NAPEPLD: variants seen among roughly 807,000 people sequenced by gnomAD.
NAPEPLD encodes the protein N-acyl-phosphatidylethanolamine-hydrolyzing phospholipase D.
NAPEPLD carries 23 observed loss-of-function variants against 38.1 expected under a neutral mutation model. The observed-to-expected ratio is 0.60, with a 90% CI of 0.43 to 0.86. The LOEUF (loss-of-function observed/expected upper bound fraction) is 0.86, where lower values mean the gene tolerates loss of function less well. NAPEPLD is among the 40% of genes least tolerant of loss of function. NAPEPLD has a pLI of 0.00. For missense variants in NAPEPLD, 411 were observed against 476.8 expected, an observed-to-expected ratio of 0.86 and a Z score of 1.28; for synonymous variants, 147 against 162.0, an observed-to-expected ratio of 0.91 and a Z score of 0.71.
chr7:103,135,528 C>CA (rs1809845922), intron 1 of NAPEPLD, among the ~76,000 whole-genome samples: 1 of 151,912 alleles, frequency 6.6e-6, no homozygotes, highest in Admixed American at 6.6e-5. Flanking sequence ...ATTCATCAAC[C>CA]AAAAAAGTAT....
At chr7:103,117,858 A>G (rs189881076) in intron 3 of NAPEPLD, among the ~76,000 whole-genome samples, 2 of 152,344 alleles carry the variant, frequency 1.3e-5, no homozygotes, top group East Asian at 1.9e-4. Flanking sequence ...ACTTATTTTC[A>G]TAACAAATAA....
At chr7:103,112,038 A>T (rs1804631005) in intron 4 of NAPEPLD, among the ~76,000 whole-genome samples, 1 of 152,234 alleles carries the variant, frequency 6.6e-6, no homozygotes, top group Non-Finnish European at 1.5e-5. Flanking sequence ...GAGAAATGCA[A>T]ATCAAAACCA....
rs1802342220 is a variant in NAPEPLD, at chr7:103,101,180, A to G, written c.*2249T>C. The G allele has an allele frequency of 6.6e-6, 1 of 152,204 alleles. No individual in the cohort carries two copies. Among genetic ancestry groups the G allele is most frequent in the Non-Finnish European group, 1.5e-5 (1 of 68,046 alleles). The allele number at this position is 152,204 out of a possible 1,614,324, so 9.4% of individuals were successfully genotyped here. On this transcript the variant is annotated 3_prime_UTR_variant, in exon 5 of 5. Transcript: ENST00000465647. ...GCTAGTATTAGGGCAACACACCTCA[A>G]AGCTAACTCACCATAAACCTAACAT...
intron 4 of NAPEPLD, among the ~76,000 whole-genome samples, chr7:103,107,291 G>A (rs1220449961): frequency 6.6e-6 from 1 of 152,076 alleles, no homozygotes; most frequent in Non-Finnish European, 1.5e-5. Flanking sequence ...CAAAGATGGG[G>A]AGAAACCAGC....
chr7:103,107,804 A>C lies in NAPEPLD; in HGVS notation c.1057-4250T>G, dbSNP rs180718156. Among the ~76,000 whole-genome samples the C allele has an allele frequency of 1.7e-3, 252 of 152,204 alleles. 3 individuals carry two copies. Among genetic ancestry groups the C allele is most frequent in the Admixed American group, 7.0e-3 (107 of 15,292 alleles). On this transcript the variant is annotated intron_variant, in intron 4 of 4. Transcript: ENST00000465647. ...TACCTGAAAGTGATGGGGAGAATGA[A>C]ACCAAGTTGGAAAACACTCTTCAGA...
intron 1 of NAPEPLD, among the ~76,000 whole-genome samples, chr7:103,146,967 G>A (rs1420444955): frequency 6.6e-6 from 1 of 152,024 alleles, no homozygotes; most frequent in East Asian, 1.9e-4. Context: ...ATTTGAAAGA[G>A]CTTTGTAAAT....
intron 3 of NAPEPLD, 156 bp from the exon 4 acceptor site, chr7:103,115,330 G>A (rs1342138854): frequency 1.8e-6 from 1 of 543,056 alleles, no homozygotes; most frequent in Non-Finnish European, 3.2e-6. Flanking sequence ...TGGGGAGGAT[G>A]AGCTAGAAAC....
chr7:103,139,968 T>G (rs553681114), intron 1 of NAPEPLD, among the ~76,000 whole-genome samples: 1 of 152,212 alleles, frequency 6.6e-6, no homozygotes, highest in Non-Finnish European at 1.5e-5. Flanking sequence ...GCAGAAAGTT[T>G]GTAGCAAATT....
rs975725799 is a variant in NAPEPLD, at chr7:103,100,490, CT to C, written c.*2938del. 7 of 152,166 alleles carry C rather than the reference CT, an allele frequency of 4.6e-5. No individual in the cohort carries two copies. Among genetic ancestry groups the C allele is most frequent in the African/African-American group, 1.7e-4 (7 of 41,438 alleles). The allele number at this position is 152,166 out of a possible 1,614,324, so 9.4% of individuals were successfully genotyped here. A position where few individuals can be genotyped will look rare whatever the true frequency, so the allele number is the denominator to read the frequency against. On this transcript the variant is annotated 3_prime_UTR_variant, in exon 5 of 5. Coordinates refer to ENST00000465647, the MANE Select transcript of NAPEPLD (RefSeq NM_001122838.3). ...CCAGAAAGAAGATGCACAAATACAT[CT>C]TTTCCTACGTAGGTCACGGCATATG...
intron 1 of NAPEPLD, among the ~76,000 whole-genome samples, chr7:103,145,972 AAC>A (rs144906536): frequency 2.9e-4 from 44 of 151,198 alleles, no homozygotes; most frequent in Admixed American, 2.4e-3. Context: ...CATTCTGGAA[AAC>A]ACACACACAC....
At chr7:103,149,297 G>C (rs760323552), upstream of NAPEPLD, 2,492 of 1,078,476 alleles carry the variant, frequency 2.3e-3, 4 homozygotes, top group Non-Finnish European at 2.6e-3. Flanking sequence ...TGGGGTGGCC[G>C]GGAGCGCGCG....
In NAPEPLD at chr7:103,103,771, C is replaced by G. The variant is rs576508522; in HGVS notation, c.1057-217G>C. On this transcript the variant is annotated intron_variant, in intron 4 of 4. Transcript: ENST00000465647. The stretch of plus-strand genomic sequence containing the variant: ...GTATTTGGTTGGATAGAAATCATGC[C>G]AACACCATGTATGTGAAATTTGGTG... Among the ~76,000 whole-genome samples, 146 of 152,222 alleles carry G rather than the reference C, an allele frequency of 9.6e-4. 2 individuals carry two copies. The highest frequency in any genetic ancestry group is 3.3e-3 in the African/African-American group (138 of 41,522).
chr7:103,119,749 T>G lies in NAPEPLD; in HGVS notation c.769A>C (p.Arg257=). 1 of 1,614,148 alleles carries G rather than the reference T, an allele frequency of 6.2e-7. No homozygotes were observed. The highest frequency in any genetic ancestry group is 1.3e-5 in the African/African-American group (1 of 75,044). ...ACCTTGTTGTCATCCATTAGAGTCC[T>G]TTTACACCAGTGCTGGGAAGGTGTA... ...VFTPSQHWCK[R]TLMDDNKVLW... The change falls in exon 3 of 5, where the codon AGG becomes CGG. Residue 257 remains arginine (R), a synonymous_variant. Coordinates refer to ENST00000465647, the MANE Select transcript of NAPEPLD (RefSeq NM_001122838.3).
chr7:103,145,005 T>C (rs1010561896), intron 1 of NAPEPLD, among the ~76,000 whole-genome samples: 6 of 150,780 alleles, frequency 4.0e-5, no homozygotes, highest in African/African-American at 1.5e-4. Flanking sequence ...AGCAAGACTC[T>C]TGTCTCAAAA....
At chr7:103,111,486 C>T (rs1191315942) in intron 4 of NAPEPLD, among the ~76,000 whole-genome samples, 1 of 152,120 alleles carries the variant, frequency 6.6e-6, no homozygotes, top group African/African-American at 2.4e-5. Context: ...CTTTGACAAA[C>T]CTGACAAATA....
chr7:103,102,707 A>AT lies in NAPEPLD; in HGVS notation c.*721dup, dbSNP rs999118190. ...AAAAGAATATACTGTTCTTTTAAAA[A>AT]TTTAAGTGAATGGTGGTCATGGGTG... On this transcript the variant is annotated 3_prime_UTR_variant, in exon 5 of 5. Transcript: ENST00000465647. 21 of 152,510 alleles carry AT rather than the reference A, an allele frequency of 1.4e-4. No homozygotes were observed. The highest frequency in any genetic ancestry group is 4.3e-4 in the African/African-American group (18 of 41,582). 9.4% of individuals were successfully genotyped at this position (152,510 alleles called of 1,614,324 possible).
intron 2 of NAPEPLD, 68 bp from the exon 3 acceptor site, chr7:103,120,291 C>G (rs2129528859): frequency 6.7e-7 from 1 of 1,488,306 alleles, no homozygotes; most frequent in Admixed American, 2.1e-5. Flanking sequence ...TCATAGTCCA[C>G]ATTTTGACCT....
intron 1 of NAPEPLD, among the ~76,000 whole-genome samples, chr7:103,147,578 C>G (rs1812818899): frequency 6.6e-6 from 1 of 152,170 alleles, no homozygotes; most frequent in South Asian, 2.1e-4. Flanking sequence ...ACCAAACTCA[C>G]AAATACTCAA....
chr7:103,115,060 C>A lies in NAPEPLD; in HGVS notation c.1056G>T (p.Glu352Asp). 1 of 1,609,412 alleles carries A rather than the reference C, an allele frequency of 6.2e-7. No homozygotes were observed. Among genetic ancestry groups the A allele is most frequent in the Non-Finnish European group, 8.5e-7 (1 of 1,176,636 alleles). ...TTATTTTTATCGCAATCAAACTTAC[C>A]TCATTTGCTAAGGCAAAAGTTCCCC... ...IHWGTFALANEHYLEPPVKLN... is the reference protein window; with the variant it reads ...IHWGTFALANDHYLEPPVKLN... Residue 352 changes from glutamate to aspartate, a missense_variant and splice_region_variant, in exon 4 of 5, where the codon GAG (glutamate) becomes GAT (aspartate). Glu to Asp is a conservative substitution (Grantham distance 45). Coordinates refer to ENST00000465647, the MANE Select transcript of NAPEPLD (RefSeq NM_001122838.3).
Sources: allele counts gnomAD v4.1 joint callset (sites outside exome capture counted in the v4.1 genomes callset), GRCh38; gene constraint gnomAD v4.1.1; transcripts MANE v1.5; gene names NCBI Gene and HGNC (gene_info 2026-07-23, HGNC 2026-07-21).